Variants in TENM3 observed in about 807,000 individuals in gnomAD.
TENM3 encodes the protein teneurin-3.
Under a neutral mutation model 255.1 loss-of-function variants are expected in TENM3, and 63 were observed. The observed-to-expected ratio is 0.25, with a 90% CI of 0.20 to 0.30. The LOEUF (loss-of-function observed/expected upper bound fraction) is 0.30. Ranked by LOEUF, TENM3 falls within the 10% of genes least tolerant of loss-of-function variation. The pLI, the probability that TENM3 is intolerant of heterozygous loss-of-function variation, is 1.00. For missense variants in TENM3, 2,929 were observed against 3,461.1 expected, an observed-to-expected ratio of 0.85 and a Z score of 3.86; for synonymous variants, 1,306 against 1,322.3, an observed-to-expected ratio of 0.99 and a Z score of 0.27.
intron 1 of TENM3, among the ~76,000 whole-genome samples, chr4:182,323,685 T>A (rs1763202533): frequency 6.6e-6 from 1 of 152,206 alleles, no homozygotes; most frequent in Non-Finnish European, 1.5e-5. Flanking sequence ...GCTTACAATT[T>A]TTTTTTTGTA....
At position 182,800,076 on chromosome 4, in the gene TENM3, T is replaced by C; in HGVS notation, c.7825T>C (p.Tyr2609His). Reference sequence around the variant, plus strand: ...CGGCGCGCTGGCGCTGCACGTGCGCTACGGCATGACCCTGGACGAGGAGAA... The same window carrying C: ...CGGCGCGCTGGCGCTGCACGTGCGCCACGGCATGACCCTGGACGAGGAGAA... Reference protein sequence around the residue: ...QFGALALHVRYGMTLDEEKAR... With the variant: ...QFGALALHVRHGMTLDEEKAR... Residue 2609 changes from tyrosine (Y) to histidine (H), a missense_variant, in exon 28 of 28, where the codon TAC becomes CAC. This residue lies in a region of TENM3 where 476 missense variants were observed against 480.1 expected (regional missense o/e 0.99). Transcript: ENST00000511685. 6.2e-7 allele frequency: 1 copy of C among 1,601,196 alleles called. No individual in the cohort carries two copies. The highest frequency in any genetic ancestry group is 8.5e-7 in the Non-Finnish European group (1 of 1,174,414).
intron 1 of TENM3, among the ~76,000 whole-genome samples, chr4:182,203,052 CA>C (rs1173451029): frequency 6.6e-6 from 1 of 151,690 alleles, no homozygotes; most frequent in Non-Finnish European, 1.5e-5. Context: ...CCTGTCTCTA[CA>C]AAAAAATCCA....
chr4:182,679,599 G>GA (rs61060098), intron 7 of TENM3, 67 bp from the exon 8 acceptor site: 43,225 of 1,068,394 alleles, frequency 0.04, 265 homozygotes, highest in African/African-American at 0.086. Flanking sequence ...AGATTGAAGA[G>GA]AAAAAAAAAA....
chr4:181,756,136 C>T, the TENM3 span, among the ~76,000 whole-genome samples: 10 of 152,188 alleles, frequency 6.6e-5, no homozygotes, highest in South Asian at 2.1e-4. Flanking sequence ...TAAAGATATC[C>T]GAGACAAAGG....
intron 1 of TENM3, among the ~76,000 whole-genome samples, chr4:182,253,121 A>G (rs956977404): frequency 6.6e-6 from 1 of 152,216 alleles, no homozygotes; most frequent in African/African-American, 2.4e-5. Context: ...GGTTTAACAC[A>G]AGTCTGTGAA....
chr4:181,719,215 AAAATAAATAAAT>A, the TENM3 span, among the ~76,000 whole-genome samples: 3 of 149,962 alleles, frequency 2.0e-5, no homozygotes, highest in Non-Finnish European at 4.5e-5. Context: ...TCCGTCTCAA[AAAATAAATAAAT>A]AAATAAATAA....
chr4:182,600,202 G>A (rs140035764), intron 3 of TENM3, among the ~76,000 whole-genome samples: 1 of 152,306 alleles, frequency 6.6e-6, no homozygotes, highest in East Asian at 1.9e-4. Context: ...ACTGCTTACT[G>A]TGAAATTGGA....
the TENM3 span, among the ~76,000 whole-genome samples, chr4:181,945,443 T>C: frequency 6.7e-3 from 1,016 of 152,178 alleles, 8 homozygotes; most frequent in African/African-American, 0.023. Context: ...GGAAAGATTG[T>C]TCTTTCCTCA....
chr4:181,564,034 TTTTTTC>T, the TENM3 span, among the ~76,000 whole-genome samples: 43 of 92,352 alleles, frequency 4.7e-4, 2 homozygotes, highest in African/African-American at 1.8e-3. Context: ...TTTTCTTTTC[TTTTTTC>T]TTTTTTTTTT....
chr4:181,983,603 T>G, the TENM3 span, among the ~76,000 whole-genome samples: 4 of 152,114 alleles, frequency 2.6e-5, no homozygotes, highest in African/African-American at 7.2e-5. Flanking sequence ...TTCATTTTAC[T>G]TTTTCAAAAG....
chr4:182,066,705 T>C, the TENM3 span, among the ~76,000 whole-genome samples: 15 of 151,174 alleles, frequency 9.9e-5, no homozygotes, highest in East Asian at 3.9e-4. Context: ...GGTCAGGAGA[T>C]CGAGACCGTC....
At chr4:181,888,219 A>AG in the TENM3 span, among the ~76,000 whole-genome samples, 1 of 151,492 alleles carries the variant, frequency 6.6e-6, no homozygotes, top group Admixed American at 6.6e-5. Context: ...TAGTAGAGCC[A>AG]GGGGTTTCCC....
chr4:181,562,665 T>C, the TENM3 span, among the ~76,000 whole-genome samples: 1 of 151,492 alleles, frequency 6.6e-6, no homozygotes. Flanking sequence ...AGAGAACAAA[T>C]AGATTCTTCT....
the TENM3 span, among the ~76,000 whole-genome samples, chr4:181,450,151 A>G: frequency 6.6e-6 from 1 of 152,208 alleles, no homozygotes. Context: ...CTTGAAAGTT[A>G]TGAATATCCA....
the TENM3 span, among the ~76,000 whole-genome samples, chr4:181,804,338 G>T: frequency 9.2e-5 from 14 of 152,182 alleles, no homozygotes; most frequent in Admixed American, 2.6e-4. Flanking sequence ...AACTTTGGTA[G>T]ATTTTTGCAA....
intron 3 of TENM3, among the ~76,000 whole-genome samples, chr4:182,552,408 T>C (rs924870172): frequency 6.6e-6 from 1 of 152,272 alleles, no homozygotes. Context: ...GCTGCAAAGA[T>C]GTACAAGACT....
At chr4:182,221,973 T>C (rs10015135) in intron 1 of TENM3, among the ~76,000 whole-genome samples, 11,495 of 152,256 alleles carry the variant, frequency 0.075, 477 homozygotes, top group Non-Finnish European at 0.093. Context: ...ATATTCATCT[T>C]AATTTGATCA....
At chr4:181,729,036 A>G in the TENM3 span, among the ~76,000 whole-genome samples, 1 of 152,228 alleles carries the variant, frequency 6.6e-6, no homozygotes, top group African/African-American at 2.4e-5. Flanking sequence ...CACTGTGAAC[A>G]CTACAAAATA....
At chr4:181,756,005 C>T in the TENM3 span, among the ~76,000 whole-genome samples, 14 of 152,192 alleles carry the variant, frequency 9.2e-5, no homozygotes, top group East Asian at 1.2e-3. Context: ...AAATATGTGA[C>T]GATGACGTGC....
Sources: gnomAD v4.1 joint callset for allele counts (sites outside exome capture counted in the v4.1 genomes callset) on GRCh38, gnomAD v4.1.1 for gene constraint, gnomAD v4.1.1 regional missense constraint, MANE v1.5 for transcripts, NCBI Gene and HGNC (gene_info 2026-07-23, HGNC 2026-07-21) for gene names.